The following ARHGAP23 variants were observed in gnomAD, a reference collection of about 807,000 sequenced individuals.
The protein encoded by ARHGAP23 is Rho GTPase activating protein 23.
A neutral mutation model predicts 136.3 loss-of-function variants in ARHGAP23; 34 were observed. The observed-to-expected ratio is 0.25, with a 90% CI of 0.19 to 0.33. The LOEUF (loss-of-function observed/expected upper bound fraction) is 0.33, where lower values mean the gene tolerates loss of function less well. ARHGAP23 is among the 10% of genes least tolerant of loss of function. The pLI is 1.00. For synonymous variants in ARHGAP23, 832 were observed against 920.5 expected (o/e 0.90, Z 1.74); for missense variants, 1,808 against 2,139.0 (o/e 0.85, Z 3.05).
chr17:38,464,702 G>A (rs1326022395), intron 6 of ARHGAP23, among the ~76,000 whole-genome samples: 1 of 152,190 alleles, frequency 6.6e-6, no homozygotes, highest in Admixed American at 6.5e-5. Flanking sequence ...GGACCCTAGG[G>A]TGTCCCCCAC....
chr17:38,456,372 C>T (rs983650428), intron 1 of ARHGAP23, among the ~76,000 whole-genome samples: 2 of 152,166 alleles, frequency 1.3e-5, no homozygotes, highest in African/African-American at 4.8e-5. Flanking sequence ...TGAGCTTTCT[C>T]CAGCTACGAG....
intron 7 of ARHGAP23, among the ~76,000 whole-genome samples, chr17:38,468,076 A>G (rs2039655912): frequency 6.6e-6 from 1 of 152,230 alleles, no homozygotes; most frequent in Admixed American, 6.5e-5. Flanking sequence ...GAGAAAGAAC[A>G]TTTGGGCTAA....
chr17:38,466,424 G>A lies in ARHGAP23; in HGVS notation c.741G>A (p.Met247Ile), dbSNP rs1211930312. The A allele has an allele frequency of 1.3e-6, 2 of 1,528,164 alleles. No individual in the cohort carries two copies. The highest frequency in any genetic ancestry group is 2.0e-5 in the Admixed American group (1 of 50,244). 94.7% of individuals were successfully genotyped at this position (1,528,164 alleles called of 1,614,324 possible). ...RAHLDNSSLG[M>I]SQPRPSPGAF... is the part of the protein sequence containing the mutation. ...ACCTGGACAACTCTTCCTTGGGGAT[G>A]AGCCAGCCCCGCCCCAGCCCTGGTG... The change falls in exon 7 of 24, where the codon ATG becomes ATA. Residue 247 changes from methionine (M) to isoleucine (I), a missense_variant. By Grantham distance (10) the Met-to-Ile change is conservative. Coordinates refer to ENST00000622683, the MANE Select transcript of ARHGAP23 (RefSeq NM_001199417.2).
intron 1 of ARHGAP23, among the ~76,000 whole-genome samples, chr17:38,455,251 A>C (rs2039295715): frequency 6.6e-6 from 1 of 152,232 alleles, no homozygotes; most frequent in African/African-American, 2.4e-5. Context: ...GGGAGATGCC[A>C]GCTCTGGCTT....
At chr17:38,487,548 A>G (rs569345735) in intron 17 of ARHGAP23, among the ~76,000 whole-genome samples, 1 of 152,230 alleles carries the variant, frequency 6.6e-6, no homozygotes, top group East Asian at 1.9e-4. Flanking sequence ...CACATCCCCA[A>G]CAGCATTGGA....
chr17:38,429,410 C>T (rs1026370793), intron 1 of ARHGAP23, among the ~76,000 whole-genome samples: 3 of 152,368 alleles, frequency 2.0e-5, no homozygotes, highest in Non-Finnish European at 4.4e-5. Flanking sequence ...AAGGGTTGAA[C>T]ACTGTCAGGC....
intron 11 of ARHGAP23, among the ~76,000 whole-genome samples, chr17:38,475,298 ACT>A (rs1490233171): frequency 2.0e-5 from 3 of 151,880 alleles, no homozygotes; most frequent in Non-Finnish European, 2.9e-5. Context: ...TTGGTGACCA[ACT>A]CTCTCACTCA....
At chr17:38,468,479 G>T (rs538046114) in intron 7 of ARHGAP23, among the ~76,000 whole-genome samples, 1 of 152,338 alleles carries the variant, frequency 6.6e-6, no homozygotes, top group East Asian at 1.9e-4. Flanking sequence ...GCAGGGTAAT[G>T]GAGAGGGATG....
intron 1 of ARHGAP23, among the ~76,000 whole-genome samples, chr17:38,442,236 G>A (rs369242797): frequency 6.6e-6 from 1 of 152,142 alleles, no homozygotes; most frequent in Admixed American, 6.5e-5. Context: ...TGTGATTACA[G>A]GCATGAGCCA....
chr17:38,467,301 G>A lies in ARHGAP23; in HGVS notation c.1618G>A (p.Glu540Lys), dbSNP rs1241029432. 4.6e-6 allele frequency: 7 copies of A among 1,506,018 alleles called. No individual in the cohort carries two copies. Among genetic ancestry groups the A allele is most frequent in the African/African-American group, 1.4e-5 (1 of 70,946 alleles). The allele number at this position is 1,506,018 out of a possible 1,614,324, so 93.3% of individuals were successfully genotyped here. ...GAAGGTGGCCCCTTTGGCCACCACC[G>A]AAGACTCTCTGGCTTCCATCCCCTT... is the stretch of plus-strand genomic sequence containing the variant. ...GRKVAPLATT[E>K]DSLASIPFID... The change falls in exon 7 of 24, where the codon GAA becomes AAA. Residue 540 changes from glutamate to lysine, a missense_variant. Transcript: ENST00000622683.
chr17:38,471,380 TC>T (rs780747358), intron 10 of ARHGAP23, among the ~76,000 whole-genome samples: 24 of 152,246 alleles, frequency 1.6e-4, no homozygotes, highest in Non-Finnish European at 2.5e-4. Flanking sequence ...TATCACTTTT[TC>T]TGCTTACTTA....
chr17:38,423,178 G>A (rs1342160593), intron 1 of ARHGAP23, among the ~76,000 whole-genome samples: 1 of 151,778 alleles, frequency 6.6e-6, no homozygotes, highest in Non-Finnish European at 1.5e-5. Context: ...CAGTTTGCAT[G>A]TACTAGGTGC....
In ARHGAP23 at chr17:38,477,931, CG is replaced by C; in HGVS notation, c.2436+38del. 6.5e-7 allele frequency: 1 copy of C among 1,545,820 alleles called. No individual in the cohort carries two copies. The highest frequency in any genetic ancestry group is 8.7e-7 in the Non-Finnish European group (1 of 1,145,022). On this transcript the variant is annotated intron_variant, in intron 12 of 23. Transcript: ENST00000622683. The surrounding 1 kb of genome is among the most constrained non-coding windows in gnomAD (Gnocchi z 6.6). ...CGGCCAGCCCGGCAGCCACAGAGGG[CG>C]GGCGGGGTGGCCTCTCACCGGCTGT...
Position 38,462,944 on chromosome 17 carries a change from G to A in ARHGAP23, c.349+3G>A. On this transcript the variant is annotated splice_donor_region_variant and intron_variant, in intron 4 of 23. Coordinates refer to ENST00000622683, the MANE Select transcript of ARHGAP23 (RefSeq NM_001199417.2). The stretch of plus-strand genomic sequence containing the variant: ...CCATAGGGCGGGGCTTCGCACAGGT[G>A]AGCTGGCCCAGTTACCTGGGCTCTA... 4.5e-6 allele frequency: 7 copies of A among 1,544,218 alleles called. No individual in the cohort carries two copies. Among genetic ancestry groups the A allele is most frequent in the Non-Finnish European group, 6.1e-6 (7 of 1,145,016 alleles).
rs572087692 is a variant in ARHGAP23, at chr17:38,490,070, C to A, written c.2987-32C>A. 1,174 of 1,548,878 alleles carry A rather than the reference C, an allele frequency of 7.6e-4. 2 individuals carry two copies. The highest frequency in any genetic ancestry group is 9.4e-4 in the Non-Finnish European group (1,081 of 1,144,388). Reference sequence around the variant, plus strand: ...GGAGAACAGGGGAAGGCGCTGCCCCCACCTCTCTAAAGAGTCTCCGCTGTG... The same window carrying A: ...GGAGAACAGGGGAAGGCGCTGCCCCAACCTCTCTAAAGAGTCTCCGCTGTG... On this transcript the variant is annotated intron_variant, in intron 17 of 23. Coordinates refer to ENST00000622683, the MANE Select transcript of ARHGAP23 (RefSeq NM_001199417.2).
chr17:38,483,589 G>T (rs1302849728), intron 16 of ARHGAP23, among the ~76,000 whole-genome samples: 1 of 152,260 alleles, frequency 6.6e-6, no homozygotes, highest in Non-Finnish European at 1.5e-5. Context: ...TTGGAAAACC[G>T]TGAACGTGGG....
intron 1 of ARHGAP23, among the ~76,000 whole-genome samples, chr17:38,445,432 A>G (rs62073427): frequency 0.18 from 26,600 of 151,546 alleles, 3,467 homozygotes; most frequent in African/African-American, 0.37. Context: ...AGCTGAGAGC[A>G]CGCCATTGCA....
At position 38,469,581 on chromosome 17, in the gene ARHGAP23, C is replaced by G; in HGVS notation, c.1862C>G (p.Ser621Cys). The stretch of plus-strand genomic sequence containing the variant: ...CTGCTGGCCATCACCACGGAGCGCT[C>G]CAAGTCCTGCGATGATGGACTCAAC... Reference protein sequence around the residue: ...SYLLAITTERSKSCDDGLNTF... With the variant: ...SYLLAITTERCKSCDDGLNTF... Residue 621 changes from serine to cysteine, a missense_variant, in exon 9 of 24, where the codon TCC (serine) becomes TGC (cysteine). By Grantham distance (112) the Ser-to-Cys change is moderately radical (BLOSUM62 -1). Transcript: ENST00000622683. 6.5e-7 allele frequency: 1 copy of G among 1,548,718 alleles called. No homozygotes were observed. The highest frequency in any genetic ancestry group is 8.7e-7 in the Non-Finnish European group (1 of 1,146,724).
chr17:38,475,168 TCTCTG>T (rs2039863999), intron 11 of ARHGAP23, among the ~76,000 whole-genome samples: 3 of 152,332 alleles, frequency 2.0e-5, no homozygotes, highest in Admixed American at 6.5e-5. Flanking sequence ...GTGGGCACCC[TCTCTG>T]TGCTCCCTCC....
Sources: allele counts gnomAD v4.1 joint callset (sites outside exome capture counted in the v4.1 genomes callset), GRCh38; gene constraint gnomAD v4.1.1; non-coding constraint Gnocchi (gnomAD v3.1); transcripts MANE v1.5; gene names NCBI Gene and HGNC (gene_info 2026-07-23, HGNC 2026-07-21).